Variants in KCNMA1 observed in about 807,000 individuals in gnomAD.
KCNMA1 encodes the protein potassium calcium-activated channel subfamily M alpha 1, also known as Calcium-activated potassium channel subunit alpha-1.
A neutral mutation model predicts 140.0 loss-of-function variants in KCNMA1; 29 were observed. That is an observed-to-expected ratio of 0.21 (90% CI 0.15 to 0.28). KCNMA1 has a LOEUF of 0.28. Ranked by LOEUF, KCNMA1 falls within the 10% of genes least tolerant of loss-of-function variation. KCNMA1 has a pLI of 1.00. For missense variants in KCNMA1, 880 were observed against 1,602.2 expected (o/e 0.55, Z 7.70); for synonymous variants, 612 against 611.9 (o/e 1.00, Z 0.00).
At chr10:77,127,046 TAGA>T (rs2097756885) in intron 5 of KCNMA1, among the ~76,000 whole-genome samples, 1 of 149,244 alleles carries the variant, frequency 6.7e-6, no homozygotes, top group Non-Finnish European at 1.5e-5. Context: ...CAAACTGGAC[TAGA>T]AAGCCCAGAA....
intron 1 of KCNMA1, among the ~76,000 whole-genome samples, chr10:77,590,740 C>G (rs2078884161): frequency 1.3e-5 from 2 of 152,150 alleles, no homozygotes; most frequent in Non-Finnish European, 2.9e-5. Context: ...TGCCAGCACG[C>G]TGTCACCTCT....
intron 1 of KCNMA1, among the ~76,000 whole-genome samples, chr10:77,467,782 C>G (rs891327028): frequency 6.6e-6 from 1 of 152,206 alleles, no homozygotes; most frequent in African/African-American, 2.4e-5. Context: ...TCACAGGGAC[C>G]ACGAATTTTG....
chr10:77,037,337 T>C (rs1156411223), intron 15 of KCNMA1, among the ~76,000 whole-genome samples: 6 of 152,316 alleles, frequency 3.9e-5, no homozygotes, highest in Non-Finnish European at 7.4e-5. Context: ...CCAGTTAGCA[T>C]TCTGAGGAAA....
At chr10:77,216,212 C>T (rs1402823774) in intron 3 of KCNMA1, among the ~76,000 whole-genome samples, 9 of 151,976 alleles carry the variant, frequency 5.9e-5, no homozygotes, top group Admixed American at 3.9e-4. Context: ...GGAATGATTG[C>T]CAATTGATAT....
intron 2 of KCNMA1, among the ~76,000 whole-genome samples, chr10:77,382,994 G>A (rs9416117): frequency 0.027 from 1,238 of 46,082 alleles, 40 homozygotes; most frequent in African/African-American, 0.1. Flanking sequence ...GTGTGTGTGT[G>A]TATATATATA....
intron 19 of KCNMA1, chr10:76,977,919 G>T: frequency 2.4e-6 from 1 of 414,196 alleles, no homozygotes; most frequent in Middle Eastern, 6.3e-4. Flanking sequence ...AGCGTGTGCT[G>T]CCAGTCCACC....
At chr10:77,508,625 T>G (rs942898572) in intron 1 of KCNMA1, among the ~76,000 whole-genome samples, 15 of 145,230 alleles carry the variant, frequency 1.0e-4, no homozygotes, top group Admixed American at 2.8e-4. Context: ...CCTCTCTCTC[T>G]CTTTTTTTCT....
At chr10:77,443,328 C>A (rs1045003178) in intron 1 of KCNMA1, among the ~76,000 whole-genome samples, 2 of 152,224 alleles carry the variant, frequency 1.3e-5, no homozygotes, top group Non-Finnish European at 2.9e-5. Context: ...TAGCCACCAA[C>A]CTCCTTGAGA....
At position 77,539,990 on chromosome 10, in the gene KCNMA1, A is replaced by G. The variant is rs531433227; in HGVS notation, c.378+97275T>C. Among the ~76,000 whole-genome samples, 7 of 152,306 alleles carry G rather than the reference A, an allele frequency of 4.6e-5. No individual in the cohort carries two copies. In the South Asian group the frequency reaches 1.2e-3, roughly 27 times the overall value. ...TTTTTCTCCCACCCCAAGGAAATCA[A>G]TATGTTGTGCAAAAACAACTCCTTC... On this transcript the variant is annotated intron_variant, in intron 1 of 27. Transcript: ENST00000286628.
chr10:77,089,072 G>C (rs1467512456), intron 10 of KCNMA1, among the ~76,000 whole-genome samples: 10 of 152,214 alleles, frequency 6.6e-5, no homozygotes, highest in African/African-American at 2.4e-4. Flanking sequence ...CAGGTAATCA[G>C]TGGCTAAGCA....
chr10:77,199,958 A>G (rs1170168415), intron 3 of KCNMA1, among the ~76,000 whole-genome samples: 1 of 152,024 alleles, frequency 6.6e-6, no homozygotes, highest in African/African-American at 2.4e-5. Context: ...TTTTTATTAA[A>G]TCTAGTTTTT....
At chr10:77,389,486 TA>T (rs1219066095) in intron 2 of KCNMA1, among the ~76,000 whole-genome samples, 4 of 152,110 alleles carry the variant, frequency 2.6e-5, no homozygotes, top group Non-Finnish European at 5.9e-5. Context: ...GAGCAAAGGA[TA>T]GGGGCTGTTA....
intron 14 of KCNMA1, among the ~76,000 whole-genome samples, chr10:77,052,143 T>A (rs1287894745): frequency 6.6e-6 from 1 of 152,160 alleles, no homozygotes; most frequent in African/African-American, 2.4e-5. Flanking sequence ...TAGCTGCTGC[T>A]AGAAAAGGCT....
intron 9 of KCNMA1, among the ~76,000 whole-genome samples, chr10:77,100,188 C>T (rs914985078): frequency 1.1e-4 from 17 of 152,132 alleles, no homozygotes; most frequent in African/African-American, 4.1e-4. Flanking sequence ...ACCCACAGCA[C>T]ATGGTGGGGA....
chr10:77,297,531 A>G (rs2075496460), intron 2 of KCNMA1, among the ~76,000 whole-genome samples: 1 of 152,138 alleles, frequency 6.6e-6, no homozygotes, highest in Non-Finnish European at 1.5e-5. Context: ...ATGATTTATA[A>G]CCAGCTGAGT....
intron 18 of KCNMA1, 31 bp from the exon 19 acceptor site, chr10:77,001,611 GA>G (rs1377914250): frequency 1.3e-6 from 2 of 1,535,294 alleles, no homozygotes. Flanking sequence ...GGGAGGAGAG[GA>G]AGAGCGGCAA....
At chr10:77,560,647 C>T (rs1410366253) in intron 1 of KCNMA1, among the ~76,000 whole-genome samples, 2 of 152,190 alleles carry the variant, frequency 1.3e-5, no homozygotes, top group Non-Finnish European at 1.5e-5. Flanking sequence ...AAGAGCTGTG[C>T]TCAAGTGGTC....
At chr10:76,919,982 TTGTGTGTGTG>T (rs1196371060) in intron 23 of KCNMA1, among the ~76,000 whole-genome samples, 10 of 77,618 alleles carry the variant, frequency 1.3e-4, no homozygotes, top group Admixed American at 5.8e-4. Context: ...GCAATGAGCA[TTGTGTGTGTG>T]TGTGTGTGTG....
At chr10:77,455,593 T>C (rs557313905) in intron 1 of KCNMA1, among the ~76,000 whole-genome samples, 19 of 152,300 alleles carry the variant, frequency 1.2e-4, no homozygotes, top group African/African-American at 4.6e-4. Flanking sequence ...GATGAGCTAG[T>C]GTCAAGAAAG....
Sources: gnomAD v4.1 joint callset for allele counts (sites outside exome capture counted in the v4.1 genomes callset) on GRCh38, gnomAD v4.1.1 for gene constraint, MANE v1.5 for transcripts, NCBI Gene and HGNC (gene_info 2026-07-23, HGNC 2026-07-21) for gene names.